LRATD1: variants seen among roughly 807,000 people sequenced by gnomAD.
LRATD1 encodes the protein LRAT domain containing 1.
A neutral mutation model predicts 21.3 loss-of-function variants in LRATD1; 8 were observed. The observed-to-expected ratio is 0.38, with a 90% CI of 0.22 to 0.68. The LOEUF is 0.68. Among genes scored for constraint, LRATD1 ranks in the 30% least tolerant of loss-of-function variants. The pLI is 0.54. For synonymous variants in LRATD1, 210 were observed against 186.2 expected (o/e 1.13, Z -1.04); for missense variants, 380 against 404.0 (o/e 0.94, Z 0.51).
rs182962264 is a variant in LRATD1, at chr2:14,637,233, A to T, written c.*2375A>T. 17 of 167,128 alleles carry T rather than the reference A, an allele frequency of 1.0e-4. No homozygotes were observed. The highest frequency in any genetic ancestry group is 9.1e-4 in the Admixed American group (14 of 15,314). The allele number at this position is 167,128 out of a possible 1,614,324, so 10.4% of individuals were successfully genotyped here. ...CACCATCTTAAGCACTTGTTCCTGCAGGACTCCTTCTTGACATTTTGTCTC... is the reference window on the plus strand; with the variant it reads ...CACCATCTTAAGCACTTGTTCCTGCTGGACTCCTTCTTGACATTTTGTCTC... On this transcript the variant is annotated 3_prime_UTR_variant, in exon 2 of 2. Coordinates refer to ENST00000295092, the MANE Select transcript of LRATD1 (RefSeq NM_145175.4).
chr2:14,634,674 T>G lies in LRATD1; in HGVS notation c.695T>G (p.Val232Gly), dbSNP rs374702675. The G allele has an allele frequency of 1.3e-6, 2 of 1,548,152 alleles. No individual in the cohort carries two copies. The highest frequency in any genetic ancestry group is 1.7e-6 in the Non-Finnish European group (2 of 1,145,440). Residue 232 changes from valine to glycine, a missense_variant, in exon 2 of 2, where the codon GTG (valine) becomes GGG (glycine). Val to Gly is a moderately radical substitution (Grantham distance 109, BLOSUM62 -3). Coordinates refer to ENST00000295092, the MANE Select transcript of LRATD1 (RefSeq NM_145175.4). Reference sequence around the variant, plus strand: ...CGGGAGTTCAAGGCGGGAGGGGAGGTGCCGGCAGGCACGCAGCCCCCGCAG... The same window carrying G: ...CGGGAGTTCAAGGCGGGAGGGGAGGGGCCGGCAGGCACGCAGCCCCCGCAG... ...GKREFKAGGE[V>G]PAGTQPPQQQ...
chr2:14,635,144 T>G lies in LRATD1; in HGVS notation c.*286T>G, dbSNP rs1228344975. The stretch of plus-strand genomic sequence containing the variant: ...CCGCGTGCGCTTTCCCCTTGAGATG[T>G]AAACCGGGAACGGGGAAGGGGCTGA... On this transcript the variant is annotated 3_prime_UTR_variant, in exon 2 of 2. Coordinates refer to ENST00000295092, the MANE Select transcript of LRATD1 (RefSeq NM_145175.4). 1 of 686,858 alleles carries G rather than the reference T, an allele frequency of 1.5e-6. No homozygotes were observed. Among genetic ancestry groups the G allele is most frequent in the African/African-American group, 1.8e-5 (1 of 56,484 alleles). 42.5% of individuals were successfully genotyped at this position (686,858 alleles called of 1,614,324 possible).
chr2:14,644,748 A>G (rs1274180812), downstream of LRATD1, among the ~76,000 whole-genome samples: 1 of 152,076 alleles, frequency 6.6e-6, no homozygotes, highest in East Asian at 1.9e-4. Flanking sequence ...GGATAGTCTC[A>G]CCCAAGGAGA....
rs1410697538 is a variant in LRATD1 at position 14,634,609 on chromosome 2, G to T, written c.630G>T (p.Thr210=). ...LGLKSEEICW[T]NSESFAAWCR... ...TCAAGAGCGAGGAGATCTGCTGGACGAACTCGGAGAGCTTCGCCGCCTGGT... is the reference window on the plus strand; with the variant it reads ...TCAAGAGCGAGGAGATCTGCTGGACTAACTCGGAGAGCTTCGCCGCCTGGT... Residue 210 remains threonine (T), a synonymous_variant, in exon 2 of 2, where the codon ACG becomes ACT. Transcript: ENST00000295092. 6.6e-7 allele frequency: 1 copy of T among 1,519,950 alleles called. No individual in the cohort carries two copies. The highest frequency in any genetic ancestry group is 1.3e-5 in the South Asian group (1 of 79,228). The allele number at this position is 1,519,950 out of a possible 1,614,324, so 94.2% of individuals were successfully genotyped here. A position where few individuals can be genotyped will look rare whatever the true frequency, so the allele number is the denominator to read the frequency against.
chr2:14,648,712 A>T (rs1271659192), intron 4 of LRATD1, among the ~76,000 whole-genome samples: 1 of 152,206 alleles, frequency 6.6e-6, no homozygotes, highest in Non-Finnish European at 1.5e-5. Flanking sequence ...CCGGGATCCC[A>T]CAGGATTCAG....
chr2:14,635,694 G>A lies in LRATD1; in HGVS notation c.*836G>A. The A allele has an allele frequency of 2.2e-6, 1 of 454,136 alleles. No individual in the cohort carries two copies. The highest frequency in any genetic ancestry group is 4.6e-6 in the Non-Finnish European group (1 of 217,980). The allele number at this position is 454,136 out of a possible 1,614,324, so 28.1% of individuals were successfully genotyped here. On this transcript the variant is annotated 3_prime_UTR_variant, in exon 2 of 2. Transcript: ENST00000295092. ...GACAAGGAGCTCGCTCGTTCACCTGGTGTCTGGGAACTTGAATGTGTGAAG... is the reference window on the plus strand; with the variant it reads ...GACAAGGAGCTCGCTCGTTCACCTGATGTCTGGGAACTTGAATGTGTGAAG...
At chr2:14,649,405 T>G in exon 5 of LRATD1, 1 of 455,900 alleles carries the variant, frequency 2.2e-6, no homozygotes, top group Non-Finnish European at 4.4e-6. Flanking sequence ...CCCCTCGACC[T>G]GGGTGAATGT....
At position 14,638,004 on chromosome 2, in the gene LRATD1, A is replaced by G. The variant is rs1671725394; in HGVS notation, c.*3146A>G. The G allele has an allele frequency of 6.0e-6, 1 of 167,066 alleles. No homozygotes were observed. The highest frequency in any genetic ancestry group is 1.9e-4 in the East Asian group (1 of 5,182). The allele number at this position is 167,066 out of a possible 1,614,324, so 10.3% of individuals were successfully genotyped here. A position where few individuals can be genotyped will look rare whatever the true frequency, so the allele number is the denominator to read the frequency against. ...GTTCCCCCTGCTCCCGTGTAGAGAAAAGCTATATTTATACTGCATTCTTTC... is the reference window on the plus strand; with the variant it reads ...GTTCCCCCTGCTCCCGTGTAGAGAAGAGCTATATTTATACTGCATTCTTTC... On this transcript the variant is annotated 3_prime_UTR_variant, in exon 2 of 2. Coordinates refer to ENST00000295092, the MANE Select transcript of LRATD1 (RefSeq NM_145175.4).
At position 14,638,822 on chromosome 2, in the gene LRATD1, C is replaced by A. The variant is rs1671747694; in HGVS notation, c.*3964C>A. ...GTTTTTGCCTTTCAGAGGTGATTTG[C>A]CACGTGCACAAAGGGTCTGTAGGTG... On this transcript the variant is annotated 3_prime_UTR_variant, in exon 2 of 2. Coordinates refer to ENST00000295092, the MANE Select transcript of LRATD1 (RefSeq NM_145175.4). 1 of 166,902 alleles carries A rather than the reference C, an allele frequency of 6.0e-6. No homozygotes were observed. The highest frequency in any genetic ancestry group is 6.6e-5 in the Admixed American group (1 of 15,256). 10.3% of individuals were successfully genotyped at this position (166,902 alleles called of 1,614,324 possible).
Position 14,634,426 on chromosome 2 carries a change from C to A in LRATD1, c.447C>A (p.Gly149=). Residue 149 remains glycine, a synonymous_variant, in exon 2 of 2, where the codon GGC becomes GGA. Coordinates refer to ENST00000295092, the MANE Select transcript of LRATD1 (RefSeq NM_145175.4). The part of the protein sequence containing the change: ...APAPHWAVYV[G]GGQIIHLHQG... ...CCCCGCACTGGGCCGTCTACGTGGG[C>A]GGCGGGCAGATCATCCACCTGCACC... is the stretch of plus-strand genomic sequence containing the variant. 6.6e-7 allele frequency: 1 copy of A among 1,523,634 alleles called. No individual in the cohort carries two copies. Among genetic ancestry groups the A allele is most frequent in the Non-Finnish European group, 8.8e-7 (1 of 1,139,448 alleles). 94.4% of individuals were successfully genotyped at this position (1,523,634 alleles called of 1,614,324 possible).
intron 5 of LRATD1, chr2:14,649,526 C>T (rs1028705859): frequency 1.1e-5 from 4 of 375,788 alleles, no homozygotes; most frequent in Admixed American, 6.6e-5. Context: ...CCCAAGCTTT[C>T]TCTTGCGTGT....
At chr2:14,651,386 A>G (rs1672002681), downstream of LRATD1, among the ~76,000 whole-genome samples, 1 of 152,264 alleles carries the variant, frequency 6.6e-6, no homozygotes, top group Admixed American at 6.5e-5. Context: ...AATTTTCCCC[A>G]GTCCTTGCCA....
At chr2:14,642,607 T>G (rs1174862761), downstream of LRATD1, among the ~76,000 whole-genome samples, 1 of 146,592 alleles carries the variant, frequency 6.8e-6, no homozygotes, top group Non-Finnish European at 1.5e-5. Context: ...TCTCCCAATC[T>G]TACTAAGCAA....
intron 4 of LRATD1, among the ~76,000 whole-genome samples, chr2:14,647,209 C>T (rs557658278): frequency 2.0e-5 from 3 of 152,132 alleles, no homozygotes; most frequent in Admixed American, 2.0e-4. Flanking sequence ...AGTTAAAATA[C>T]TAAGTGAATT....
At chr2:14,640,208 GC>G (rs1426931340), downstream of LRATD1, among the ~76,000 whole-genome samples, 1 of 152,124 alleles carries the variant, frequency 6.6e-6, no homozygotes, top group Non-Finnish European at 1.5e-5. Flanking sequence ...TGTAGCTCTT[GC>G]TAAAAATTTT....
Position 14,637,952 on chromosome 2 carries a change from G to A in LRATD1, c.*3094G>A, listed in dbSNP as rs1468373622. ...GTTCACAGTAATTTCCATGATGTTG[G>A]GTGTGGCTAAGCTGGGGATTGGTTC... On this transcript the variant is annotated 3_prime_UTR_variant, in exon 2 of 2. Transcript: ENST00000295092. 6.0e-6 allele frequency: 1 copy of A among 166,924 alleles called. No homozygotes were observed. Among genetic ancestry groups the A allele is most frequent in the Non-Finnish European group, 1.5e-5 (1 of 68,104 alleles). 10.3% of individuals were successfully genotyped at this position (166,924 alleles called of 1,614,324 possible).
In LRATD1 at chr2:14,637,354, A is replaced by T. The variant is rs867917346; in HGVS notation, c.*2496A>T. 1 of 167,028 alleles carries T rather than the reference A, an allele frequency of 6.0e-6. No homozygotes were observed. The allele number at this position is 167,028 out of a possible 1,614,324, so 10.3% of individuals were successfully genotyped here. ...TAAGATTTATTTCCTCTGATGGTAC[A>T]TAGATTTCTCTCTCACTAAGAGGGT... On this transcript the variant is annotated 3_prime_UTR_variant, in exon 2 of 2. Transcript: ENST00000295092.
downstream of LRATD1, among the ~76,000 whole-genome samples, chr2:14,645,032 A>G (rs187332903): frequency 1.1e-4 from 17 of 152,356 alleles, no homozygotes; most frequent in Admixed American, 8.5e-4. Context: ...TGTTTAATTT[A>G]AAATGGCCTT....
intron 3 of LRATD1, chr2:14,646,352 T>A (rs1260254988): frequency 6.6e-6 from 1 of 152,156 alleles, no homozygotes; most frequent in East Asian, 1.9e-4. Flanking sequence ...AATGTCAAAA[T>A]GGAATCAAGC....
Sources: gnomAD v4.1 joint callset for allele counts (sites outside exome capture counted in the v4.1 genomes callset) on GRCh38, gnomAD v4.1.1 for gene constraint, MANE v1.5 for transcripts, NCBI Gene and HGNC (gene_info 2026-07-23, HGNC 2026-07-21) for gene names.